The following FAM135B variants were observed in gnomAD, a reference collection of about 807,000 sequenced individuals.
FAM135B encodes protein FAM135B.
FAM135B carries 43 observed loss-of-function variants against 127.7 expected under a neutral mutation model. That is an observed-to-expected ratio of 0.34 (90% confidence interval 0.26 to 0.43). The LOEUF is 0.43. Among genes scored for constraint, FAM135B ranks in the 20% least tolerant of loss-of-function variants. The pLI is 1.00. For synonymous variants in FAM135B, 670 were observed against 665.1 expected (o/e 1.01, Z -0.11); for missense variants, 1,558 against 1,725.6 (o/e 0.90, Z 1.72).
At position 138,148,896 on chromosome 8, in the gene FAM135B, C is replaced by T. The variant is rs537746552; in HGVS notation, c.3282-210G>A. ...AAAGCACTCTATAAAAACCAAACACCGCATGTTCTCACTCATAGGTGGGAA... is the reference window on the plus strand; with the variant it reads ...AAAGCACTCTATAAAAACCAAACACTGCATGTTCTCACTCATAGGTGGGAA... On this transcript the variant is annotated intron_variant, in intron 13 of 19. Coordinates refer to ENST00000395297, the MANE Select transcript of FAM135B (RefSeq NM_015912.4). 2.3e-4 allele frequency: 59 copies of T among 262,010 alleles called. No individual in the cohort carries two copies. The South Asian group carries it at 2.7e-3, about 12-fold the overall frequency. The allele number at this position is 262,010 out of a possible 1,614,324, so 16.2% of individuals were successfully genotyped here.
chr8:138,412,845 C>G (rs1237940831), intron 1 of FAM135B, among the ~76,000 whole-genome samples: 1 of 152,192 alleles, frequency 6.6e-6, no homozygotes, highest in East Asian at 1.9e-4. Context: ...GCAACACTTG[C>G]ATCAGCAATC....
At chr8:138,246,557 C>T (rs181686737) in intron 6 of FAM135B, among the ~76,000 whole-genome samples, 9 of 152,268 alleles carry the variant, frequency 5.9e-5, no homozygotes, top group African/African-American at 1.9e-4. Flanking sequence ...TGGGAATCCA[C>T]CTAGATTTCA....
intron 1 of FAM135B, among the ~76,000 whole-genome samples, chr8:138,407,257 AG>A (rs2131388123): frequency 6.6e-6 from 1 of 151,630 alleles, no homozygotes; most frequent in South Asian, 2.1e-4. Context: ...GAAATAAAAG[AG>A]GACACAAACA....
intron 1 of FAM135B, among the ~76,000 whole-genome samples, chr8:138,449,008 T>C (rs1045538666): frequency 6.6e-6 from 1 of 152,186 alleles, no homozygotes; most frequent in Non-Finnish European, 1.5e-5. Flanking sequence ...TCCATTGTAT[T>C]GCTGATACAG....
chr8:138,432,798 C>T (rs1835269194), intron 1 of FAM135B, among the ~76,000 whole-genome samples: 1 of 152,052 alleles, frequency 6.6e-6, no homozygotes, highest in African/African-American at 2.4e-5. Flanking sequence ...ACAGTACATT[C>T]TTGATGAATA....
chr8:138,184,505 A>C (rs2131030149), intron 9 of FAM135B, among the ~76,000 whole-genome samples: 1 of 152,344 alleles, frequency 6.6e-6, no homozygotes, highest in East Asian at 1.9e-4. Flanking sequence ...GTCCCTGTGA[A>C]GAGTGATCCT....
At chr8:138,432,004 T>C (rs946565460) in intron 1 of FAM135B, among the ~76,000 whole-genome samples, 1 of 152,122 alleles carries the variant, frequency 6.6e-6, no homozygotes, top group Admixed American at 6.6e-5. Flanking sequence ...TCATGTGTCC[T>C]CCCCTAAACC....
chr8:138,361,772 G>A (rs1173808037), intron 2 of FAM135B, among the ~76,000 whole-genome samples: 5 of 152,096 alleles, frequency 3.3e-5, no homozygotes, highest in Admixed American at 6.6e-5. Flanking sequence ...TCAGCATTCT[G>A]ATATCCAGGT....
At chr8:138,423,317 G>A (rs1036015262) in intron 1 of FAM135B, among the ~76,000 whole-genome samples, 9 of 152,096 alleles carry the variant, frequency 5.9e-5, no homozygotes, top group South Asian at 2.1e-4. Flanking sequence ...GGGAGATATC[G>A]GGGAAAATTC....
chr8:138,412,736 T>C (rs1833932960), intron 1 of FAM135B, among the ~76,000 whole-genome samples: 1 of 152,238 alleles, frequency 6.6e-6, no homozygotes, highest in Admixed American at 6.5e-5. Flanking sequence ...TCCTTTTTCC[T>C]GGAAATGGCA....
intron 1 of FAM135B, among the ~76,000 whole-genome samples, chr8:138,436,025 A>C (rs1835434696): frequency 6.6e-6 from 1 of 152,184 alleles, no homozygotes; most frequent in African/African-American, 2.4e-5. Flanking sequence ...TATCTGTGAC[A>C]GCCTATGTGC....
intron 2 of FAM135B, among the ~76,000 whole-genome samples, chr8:138,314,766 G>A (rs1826950402): frequency 7.0e-6 from 1 of 142,990 alleles, no homozygotes; most frequent in Admixed American, 7.0e-5. Flanking sequence ...TGTAGTCTCA[G>A]TTACTTGAAG....
chr8:138,254,842 C>A (rs73439003), intron 5 of FAM135B, among the ~76,000 whole-genome samples: 3,746 of 152,142 alleles, frequency 0.025, 113 homozygotes, highest in East Asian at 0.082. Flanking sequence ...AAGACATCAG[C>A]GGATGCCCCT....
chr8:138,216,973 T>C (rs537681177), intron 7 of FAM135B, among the ~76,000 whole-genome samples: 37 of 152,324 alleles, frequency 2.4e-4, no homozygotes, highest in Non-Finnish European at 4.3e-4. Flanking sequence ...TATGCGACTT[T>C]GGTCAAATAG....
chr8:138,429,601 T>C (rs556792003), intron 1 of FAM135B, among the ~76,000 whole-genome samples: 15 of 152,306 alleles, frequency 9.8e-5, no homozygotes, highest in Middle Eastern at 3.4e-3. Context: ...GGTTCCTTTA[T>C]AGCAATTTTA....
chr8:138,172,811 A>G (rs981928800), intron 11 of FAM135B, among the ~76,000 whole-genome samples: 2 of 152,210 alleles, frequency 1.3e-5, no homozygotes, highest in Admixed American at 6.5e-5. Flanking sequence ...CTTATCATCA[A>G]GAGGATCCCA....
At chr8:138,264,664 G>C (rs981308430) in intron 4 of FAM135B, among the ~76,000 whole-genome samples, 1 of 152,174 alleles carries the variant, frequency 6.6e-6, no homozygotes, top group Non-Finnish European at 1.5e-5. Flanking sequence ...TGCTTAGTGA[G>C]TACTCAATAA....
intron 1 of FAM135B, among the ~76,000 whole-genome samples, chr8:138,414,457 C>T (rs1235552322): frequency 6.6e-6 from 1 of 152,082 alleles, no homozygotes; most frequent in Non-Finnish European, 1.5e-5. Flanking sequence ...ATTCTTCATT[C>T]CCGAAACACC....
intron 1 of FAM135B, among the ~76,000 whole-genome samples, chr8:138,418,712 A>G (rs1184219400): frequency 1.3e-5 from 2 of 152,166 alleles, no homozygotes; most frequent in South Asian, 4.1e-4. Context: ...TCGTAAATGA[A>G]GGATAAATAA....
Sources: allele counts gnomAD v4.1 joint callset (sites outside exome capture counted in the v4.1 genomes callset), GRCh38; gene constraint gnomAD v4.1.1; transcripts MANE v1.5; gene names NCBI Gene and HGNC (gene_info 2026-07-23, HGNC 2026-07-21).